SNTG1: variants seen among roughly 807,000 people sequenced by gnomAD.
The protein encoded by SNTG1 is gamma-1-syntrophin.
Under a neutral mutation model 74.7 loss-of-function variants are expected in SNTG1, and 39 were observed. The ratio of observed to expected loss-of-function variants is 0.52; its 90% CI spans 0.40 to 0.68. The LOEUF is 0.68. SNTG1 is among the 30% of genes least tolerant of loss of function. The probability of loss-of-function intolerance (pLI) is 0.00; values close to 1 mark genes in which losing one functional copy is unlikely to be tolerated. For synonymous variants in SNTG1, 254 were observed against 217.1 expected (o/e 1.17, Z -1.49); for missense variants, 685 against 609.5 (o/e 1.12, Z -1.30).
chr8:50,368,782 T>C (rs2092190789), intron 2 of SNTG1, among the ~76,000 whole-genome samples: 1 of 152,186 alleles, frequency 6.6e-6, no homozygotes, highest in Non-Finnish European at 1.5e-5. Flanking sequence ...TCTTCAGACT[T>C]CAGATTTAAT....
At chr8:50,760,995 A>G (rs2095597103) in intron 18 of SNTG1, among the ~76,000 whole-genome samples, 1 of 152,022 alleles carries the variant, frequency 6.6e-6, no homozygotes, top group Non-Finnish European at 1.5e-5. Flanking sequence ...ACAATAGAAA[A>G]AGAGGGAATC....
At chr8:50,151,277 T>C (rs969956999) in intron 1 of SNTG1, among the ~76,000 whole-genome samples, 3 of 152,182 alleles carry the variant, frequency 2.0e-5, no homozygotes, top group African/African-American at 4.8e-5. Flanking sequence ...TCATTTTTTA[T>C]TGGGTTTATT....
intron 2 of SNTG1, among the ~76,000 whole-genome samples, chr8:50,195,362 C>A (rs2083725578): frequency 6.6e-6 from 1 of 151,986 alleles, no homozygotes; most frequent in East Asian, 1.9e-4. Flanking sequence ...CCCCGGGATA[C>A]CTGCCTTCCA....
At chr8:50,496,662 A>G (rs1424553569) in intron 8 of SNTG1, among the ~76,000 whole-genome samples, 1 of 152,110 alleles carries the variant, frequency 6.6e-6, no homozygotes, top group African/African-American at 2.4e-5. Flanking sequence ...TTAATATTAA[A>G]CACATAAATA....
chr8:50,288,974 A>G (rs1364253225), intron 2 of SNTG1, among the ~76,000 whole-genome samples: 1 of 152,176 alleles, frequency 6.6e-6, no homozygotes, highest in Non-Finnish European at 1.5e-5. Flanking sequence ...CAAAAATATT[A>G]TTTCCAAATA....
intron 11 of SNTG1, among the ~76,000 whole-genome samples, chr8:50,545,500 A>ATG (rs2094380802): frequency 6.7e-6 from 1 of 148,766 alleles, no homozygotes; most frequent in African/African-American, 2.4e-5. Context: ...AAATATATAT[A>ATG]TATATATTTG....
At chr8:49,997,641 A>T (rs564274231) in intron 1 of SNTG1, among the ~76,000 whole-genome samples, 1 of 152,306 alleles carries the variant, frequency 6.6e-6, no homozygotes, top group African/African-American at 2.4e-5. Flanking sequence ...ACAACTGATC[A>T]TTCCCATACC....
At position 50,210,478 on chromosome 8, in the gene SNTG1, G is replaced by C. The variant is rs1211813926; in HGVS notation, c.-28+37843G>C. On this transcript the variant is annotated intron_variant, in intron 2 of 18. Coordinates refer to ENST00000642720, the MANE Select transcript of SNTG1 (RefSeq NM_018967.5). ...AAAAAATGTTAAGGGCAGCCAGAGA[G>C]AAAGGTAGGGTTACCCACAAAGGGA... Among the ~76,000 whole-genome samples, 9 of 152,318 alleles carry C rather than the reference G, an allele frequency of 5.9e-5. No individual in the cohort carries two copies. The East Asian group carries it at 1.5e-3, about 26-fold the overall frequency.
rs79475083 is a variant in SNTG1 at position 50,445,370 on chromosome 8, C to G, written c.220-4298C>G. 2.6e-3 allele frequency among the ~76,000 whole-genome samples: 391 copies of G among 152,242 alleles called. 2 individuals carry two copies. The highest frequency in any genetic ancestry group is 9.1e-3 in the African/African-American group (378 of 41,530). Reference sequence around the variant, plus strand: ...AGCTCTATGCATCTTCCCTGCACCCCCATGCCCATAATATGATTGATTGAT... The same window carrying G: ...AGCTCTATGCATCTTCCCTGCACCCGCATGCCCATAATATGATTGATTGAT... On this transcript the variant is annotated intron_variant, in intron 5 of 18. Transcript: ENST00000642720.
intron 12 of SNTG1, among the ~76,000 whole-genome samples, chr8:50,558,217 C>T (rs2094467441): frequency 6.6e-6 from 1 of 152,180 alleles, no homozygotes; most frequent in South Asian, 2.1e-4. Context: ...TTCCAGCTGG[C>T]CCGGCTGCCC....
chr8:50,212,822 G>C (rs1275650680), intron 2 of SNTG1, among the ~76,000 whole-genome samples: 2 of 152,174 alleles, frequency 1.3e-5, no homozygotes, highest in Non-Finnish European at 2.9e-5. Flanking sequence ...GTGCCATTCA[G>C]TTTCTTCCAG....
At chr8:50,322,054 T>C (rs895974898) in intron 2 of SNTG1, among the ~76,000 whole-genome samples, 1 of 152,128 alleles carries the variant, frequency 6.6e-6, no homozygotes. Context: ...ATTCAGATGA[T>C]TTTTTATTGC....
chr8:50,375,181 C>T (rs959227730), intron 2 of SNTG1, among the ~76,000 whole-genome samples: 2 of 152,030 alleles, frequency 1.3e-5, no homozygotes, highest in Non-Finnish European at 2.9e-5. Context: ...TATGCATGCT[C>T]CTTATAAAAT....
intron 4 of SNTG1, among the ~76,000 whole-genome samples, chr8:50,430,055 T>A (rs878924353): frequency 3.3e-5 from 5 of 152,254 alleles, no homozygotes; most frequent in Admixed American, 1.3e-4. Context: ...ACAATTCCCA[T>A]TTTCAATACT....
At chr8:50,348,403 TGG>T (rs2091547129) in intron 2 of SNTG1, among the ~76,000 whole-genome samples, 1 of 152,194 alleles carries the variant, frequency 6.6e-6, no homozygotes, top group Non-Finnish European at 1.5e-5. Context: ...TTTCTGGAGT[TGG>T]AGGGAAATGA....
At chr8:50,403,391 C>T (rs552474640) in intron 4 of SNTG1, among the ~76,000 whole-genome samples, 1 of 152,252 alleles carries the variant, frequency 6.6e-6, no homozygotes, top group South Asian at 2.1e-4. Flanking sequence ...TGTCACAGAC[C>T]ATTTAAATCA....
intron 1 of SNTG1, among the ~76,000 whole-genome samples, chr8:50,138,816 A>G (rs1051006829): frequency 6.6e-6 from 1 of 151,992 alleles, no homozygotes; most frequent in Admixed American, 6.6e-5. Context: ...AGATATTGAA[A>G]TTCATAAAAG....
At position 50,442,680 on chromosome 8, in the gene SNTG1, T is replaced by TAAAAAAAAAA. The variant is rs5891365; in HGVS notation, c.219+4099_219+4108dup. 7.4e-3 allele frequency among the ~76,000 whole-genome samples: 599 copies of TAAAAAAAAAA among 81,148 alleles called. 15 individuals carry two copies. Among genetic ancestry groups the TAAAAAAAAAA allele is most frequent in the South Asian group, 0.018 (34 of 1,940 alleles). The allele number at this position is 81,148 out of a possible 152,430, so 53.2% of individuals were successfully genotyped here. A position where few individuals can be genotyped will look rare whatever the true frequency, so the allele number is the denominator to read the frequency against. ...TTCTTTGTATTAATTTGTCTATCAG[T>TAAAAAAAAAA]AAAAAAAAAAAAAAAAAAAAAAAAA... is the stretch of plus-strand genomic sequence containing the variant. On this transcript the variant is annotated intron_variant, in intron 5 of 18. Coordinates refer to ENST00000642720, the MANE Select transcript of SNTG1 (RefSeq NM_018967.5).
chr8:50,024,101 G>A (rs866864858), intron 1 of SNTG1, among the ~76,000 whole-genome samples: 2 of 152,144 alleles, frequency 1.3e-5, no homozygotes, highest in Non-Finnish European at 2.9e-5. Flanking sequence ...AATGCAGTTG[G>A]TTGAGGGATC....
Sources: gnomAD v4.1 joint callset for allele counts (sites outside exome capture counted in the v4.1 genomes callset) on GRCh38, gnomAD v4.1.1 for gene constraint, MANE v1.5 for transcripts, NCBI Gene and HGNC (gene_info 2026-07-23, HGNC 2026-07-21) for gene names.